FAM227B: variants seen among roughly 807,000 people sequenced by gnomAD.
The protein encoded by FAM227B is protein FAM227B.
Under a neutral mutation model 73.8 loss-of-function variants are expected in FAM227B, and 88 were observed. The ratio of observed to expected loss-of-function variants is 1.19; its 90% CI spans 1.00 to 1.42. The LOEUF is 1.42. Ranked by LOEUF, FAM227B falls within the 40% of genes most tolerant of loss-of-function variation. FAM227B has a pLI of 0.00. For missense variants in FAM227B, 632 were observed against 590.9 expected (o/e 1.07, Z -0.72); for synonymous variants, 210 against 190.5 (o/e 1.10, Z -0.84).
intron 15 of FAM227B, 109 bp from the exon 16 acceptor site, chr15:49,328,784 T>C (rs2037996329): frequency 7.0e-7 from 1 of 1,426,384 alleles, no homozygotes; most frequent in Non-Finnish European, 9.2e-7. Context: ...ATTTTTTTTT[T>C]TTTTTGACAA....
chr15:49,578,494 C>T (rs944802293), intron 5 of FAM227B, among the ~76,000 whole-genome samples: 1 of 125,392 alleles, frequency 8.0e-6, no homozygotes, highest in Non-Finnish European at 1.7e-5. Flanking sequence ...AGATAGATAG[C>T]AGGTTAATTT....
chr15:49,512,242 G>C (rs1205459382), intron 10 of FAM227B, among the ~76,000 whole-genome samples: 1 of 152,008 alleles, frequency 6.6e-6, no homozygotes, highest in Non-Finnish European at 1.5e-5. Context: ...AAAGCTGGAA[G>C]TATTTGATTT....
chr15:49,405,654 A>C (rs897962126), intron 11 of FAM227B, among the ~76,000 whole-genome samples: 21 of 152,154 alleles, frequency 1.4e-4, no homozygotes, highest in African/African-American at 4.6e-4. Flanking sequence ...CAGCTTTTAC[A>C]TCATTTTATT....
At chr15:49,593,361 C>T (rs2076697159) in intron 3 of FAM227B, among the ~76,000 whole-genome samples, 1 of 152,190 alleles carries the variant, frequency 6.6e-6, no homozygotes, top group Non-Finnish European at 1.5e-5. Context: ...TTACAGTTTT[C>T]AGCATATAGA....
intron 8 of FAM227B, among the ~76,000 whole-genome samples, chr15:49,572,484 T>C (rs897220727): frequency 5.9e-5 from 9 of 152,098 alleles, no homozygotes; most frequent in Admixed American, 3.9e-4. Flanking sequence ...GATTTCCTTT[T>C]TGATTTGTTC....
chr15:49,524,501 G>C (rs1235820594), intron 10 of FAM227B, among the ~76,000 whole-genome samples: 1 of 152,230 alleles, frequency 6.6e-6, no homozygotes, highest in Non-Finnish European at 1.5e-5. Flanking sequence ...GACCCTCATG[G>C]AGAATCTCTG....
At chr15:49,613,039 AGTCAATGG>A (rs1598569175) in intron 2 of FAM227B, among the ~76,000 whole-genome samples, 1 of 152,090 alleles carries the variant, frequency 6.6e-6, no homozygotes, top group African/African-American at 2.4e-5. Flanking sequence ...AAGTGGGTAT[AGTCAATGG>A]GTACAAAAAT....
chr15:49,518,238 C>A (rs907197559), intron 10 of FAM227B, among the ~76,000 whole-genome samples: 1 of 152,148 alleles, frequency 6.6e-6, no homozygotes, highest in Non-Finnish European at 1.5e-5. Context: ...TATTAACCTG[C>A]ACTCTCACCA....
intron 3 of FAM227B, among the ~76,000 whole-genome samples, chr15:49,609,537 A>G (rs1032596030): frequency 1.3e-5 from 2 of 151,958 alleles, no homozygotes; most frequent in Admixed American, 6.5e-5. Flanking sequence ...TTCTAAAAGA[A>G]TAATAGCTCC....
intron 11 of FAM227B, among the ~76,000 whole-genome samples, chr15:49,495,448 C>T (rs1454863249): frequency 1.3e-5 from 2 of 152,162 alleles, no homozygotes; most frequent in African/African-American, 4.8e-5. Flanking sequence ...TCTTTCTCTA[C>T]ACAGTATAAA....
At chr15:49,365,831 T>C (rs1485070971) in intron 13 of FAM227B, 4 of 880,542 alleles carry the variant, frequency 4.5e-6, no homozygotes, top group African/African-American at 3.3e-5. Flanking sequence ...CTCACTTCCA[T>C]GCTTTTGCCG....
rs963590244 is a variant in FAM227B, at chr15:49,417,293, G to A, written c.1013-45894C>T. 5.3e-5 allele frequency among the ~76,000 whole-genome samples: 8 copies of A among 152,014 alleles called. No homozygotes were observed. In the South Asian group the frequency reaches 6.2e-4, roughly 12 times the overall value. ...CTGTAGTCCCAGCTACTCAGGAGGC[G>A]GGAGGATCACCTGAGCCCAGAAACT... On this transcript the variant is annotated intron_variant, in intron 11 of 15. Transcript: ENST00000299338.
chr15:49,458,548 T>G (rs1214856538), intron 11 of FAM227B, among the ~76,000 whole-genome samples: 1 of 152,118 alleles, frequency 6.6e-6, no homozygotes, highest in African/African-American at 2.4e-5. Context: ...AAGAAACTCT[T>G]TAAGAACAGG....
intron 9 of FAM227B, among the ~76,000 whole-genome samples, chr15:49,554,072 T>C (rs1345921472): frequency 1.3e-5 from 2 of 152,156 alleles, no homozygotes; most frequent in African/African-American, 4.8e-5. Flanking sequence ...TTTGCCCAGT[T>C]TGTGTCTAGA....
At position 49,442,494 on chromosome 15, in the gene FAM227B, G is replaced by A. The variant is rs528685556; in HGVS notation, c.1012+65717C>T. 9.1e-4 allele frequency among the ~76,000 whole-genome samples: 138 copies of A among 151,736 alleles called. 5 individuals are homozygous for A. The South Asian group carries it at 0.027, about 30-fold the overall frequency. On this transcript the variant is annotated intron_variant, in intron 11 of 15. Transcript: ENST00000299338. Reference sequence around the variant, plus strand: ...GATTACTGTATTCTCCTAGACTTTAGAACCAGGAGTTGGAAGTATTATAGG... The same window carrying A: ...GATTACTGTATTCTCCTAGACTTTAAAACCAGGAGTTGGAAGTATTATAGG...
chr15:49,404,778 T>C (rs1248743876), intron 11 of FAM227B, among the ~76,000 whole-genome samples: 2 of 152,094 alleles, frequency 1.3e-5, no homozygotes, highest in Non-Finnish European at 2.9e-5. Context: ...GTTAGTATTA[T>C]TGTGTGTAGA....
rs2058715834 is a variant in FAM227B, at chr15:49,508,153, T to C, written c.1012+58A>G. 8 of 1,535,542 alleles carry C rather than the reference T, an allele frequency of 5.2e-6. No individual in the cohort carries two copies. In the South Asian group the frequency reaches 9.8e-5, roughly 19 times the overall value. On this transcript the variant is annotated intron_variant, in intron 11 of 15. Transcript: ENST00000299338. ...TCATTAGAAAATTCTGCCTAATAAA[T>C]AAATTAATTGATTTTTGCTACCTAT... is the stretch of plus-strand genomic sequence containing the variant.
At chr15:49,391,860 T>C (rs541267142) in intron 11 of FAM227B, among the ~76,000 whole-genome samples, 8 of 152,242 alleles carry the variant, frequency 5.3e-5, no homozygotes, top group Admixed American at 1.3e-4. Flanking sequence ...TTATAGGCCA[T>C]TGGGGAGGCC....
rs33973907 is a variant in FAM227B, at chr15:49,337,508, CTTTTTTT to C, written c.1272-2019_1272-2013del. Among the ~76,000 whole-genome samples the C allele has an allele frequency of 9.0e-3, 326 of 36,096 alleles. 2 individuals are homozygous for C. Among genetic ancestry groups the C allele is most frequent in the African/African-American group, 0.037 (305 of 8,152 alleles). 23.7% of individuals were successfully genotyped at this position (36,096 alleles called of 152,430 possible). A position where few individuals can be genotyped will look rare whatever the true frequency, so the allele number is the denominator to read the frequency against. On this transcript the variant is annotated intron_variant, in intron 13 of 15. Coordinates refer to ENST00000299338, the MANE Select transcript of FAM227B (RefSeq NM_152647.3). ...AATGTCTGTTCATATCATTTACCCA[CTTTTTTT>C]TTTTTTTTTTTTTTTTTTTTAGTAT...
Sources: gnomAD v4.1 joint callset for allele counts (sites outside exome capture counted in the v4.1 genomes callset) on GRCh38, gnomAD v4.1.1 for gene constraint, MANE v1.5 for transcripts, NCBI Gene and HGNC (gene_info 2026-07-23, HGNC 2026-07-21) for gene names.